The following CACNA2D3 variants were observed in gnomAD, a reference collection of about 807,000 sequenced individuals.
The protein encoded by CACNA2D3 is voltage-dependent calcium channel subunit alpha-2/delta-3.
A neutral mutation model predicts 160.6 loss-of-function variants in CACNA2D3; 60 were observed. That is an observed-to-expected ratio of 0.37 (90% CI 0.30 to 0.46). CACNA2D3 has a LOEUF of 0.46. Ranked by LOEUF, CACNA2D3 falls within the 20% of genes least tolerant of loss-of-function variation. CACNA2D3 has a pLI of 1.00. For synonymous variants in CACNA2D3, 558 were observed against 492.9 expected, an observed-to-expected ratio of 1.13 and a Z score of -1.75; for missense variants, 1,205 against 1,365.0, an observed-to-expected ratio of 0.88 and a Z score of 1.85.
chr3:54,760,389 C>T (rs1380370959), intron 12 of CACNA2D3, among the ~76,000 whole-genome samples: 1 of 152,068 alleles, frequency 6.6e-6, no homozygotes, highest in Admixed American at 6.6e-5. Context: ...GCCAGCAAGC[C>T]TGAACAGTGA....
intron 11 of CACNA2D3, among the ~76,000 whole-genome samples, chr3:54,666,469 C>T (rs981328449): frequency 2.6e-5 from 4 of 152,212 alleles, no homozygotes; most frequent in African/African-American, 9.6e-5. Flanking sequence ...TTCAGAATGG[C>T]ATTCATTGGA....
chr3:54,859,148 T>G (rs1559607009), intron 17 of CACNA2D3, among the ~76,000 whole-genome samples: 2 of 152,234 alleles, frequency 1.3e-5, no homozygotes, highest in Non-Finnish European at 2.9e-5. Flanking sequence ...CAGACTTCTT[T>G]AATTACTGCA....
At chr3:54,642,062 TG>T in intron 10 of CACNA2D3, 65 bp from the exon 11 acceptor site, 1 of 1,039,344 alleles carries the variant, frequency 9.6e-7, no homozygotes. Flanking sequence ...CTCATGTCTC[TG>T]ATTTTTCACT....
In CACNA2D3 at chr3:54,276,307, C is replaced by T. The variant is rs371772240; in HGVS notation, c.205-44135C>T. Among the ~76,000 whole-genome samples, 27 of 152,258 alleles carry T rather than the reference C, an allele frequency of 1.8e-4. No individual in the cohort carries two copies. The East Asian group carries it at 3.3e-3, about 19-fold the overall frequency. On this transcript the variant is annotated intron_variant, in intron 2 of 37. Transcript: ENST00000474759. ...GAAAGAGGCCAGACGCAGTGGCTCA[C>T]GCCTGTACTCCCAGCATTTGGGAAG...
At chr3:54,687,135 G>GTTTTTTTT (rs1290353261) in intron 11 of CACNA2D3, among the ~76,000 whole-genome samples, 3 of 88,902 alleles carry the variant, frequency 3.4e-5, no homozygotes, top group East Asian at 3.2e-4. Flanking sequence ...TTTTTTTTTT[G>GTTTTTTTT]TTTTTTTTTT....
intron 13 of CACNA2D3, among the ~76,000 whole-genome samples, chr3:54,783,134 A>T (rs1174197912): frequency 1.3e-5 from 2 of 152,170 alleles, no homozygotes; most frequent in Admixed American, 1.3e-4. Context: ...ATTCCATGTT[A>T]CATGCAAGAA....
chr3:54,471,134 T>C (rs1341202797), intron 4 of CACNA2D3, among the ~76,000 whole-genome samples: 2 of 152,182 alleles, frequency 1.3e-5, no homozygotes, highest in Admixed American at 6.5e-5. Flanking sequence ...ATCACACTTA[T>C]TCTAAAATTG....
Position 54,280,305 on chromosome 3 carries a change from T to A in CACNA2D3, c.205-40137T>A, listed in dbSNP as rs553402419. Among the ~76,000 whole-genome samples, 4 of 152,138 alleles carry A rather than the reference T, an allele frequency of 2.6e-5. No individual in the cohort carries two copies. The East Asian group carries it at 7.7e-4, about 29-fold the overall frequency. On this transcript the variant is annotated intron_variant, in intron 2 of 37. Transcript: ENST00000474759. ...ACCATGTTAGCGAGGATGGTCTCGA[T>A]CTCCTGACCTCATGATCCGCCCTCC...
intron 13 of CACNA2D3, among the ~76,000 whole-genome samples, chr3:54,810,698 G>C (rs1703283619): frequency 6.6e-6 from 1 of 152,126 alleles, no homozygotes; most frequent in Non-Finnish European, 1.5e-5. Context: ...AGTGAAATGT[G>C]TTGTTTTGAT....
intron 21 of CACNA2D3, 28 bp downstream of exon 21, chr3:54,880,891 C>G: frequency 1.2e-6 from 2 of 1,602,334 alleles, no homozygotes; most frequent in East Asian, 4.5e-5. Flanking sequence ...TCGTCTTATC[C>G]TTTGGTGTGG....
intron 13 of CACNA2D3, among the ~76,000 whole-genome samples, chr3:54,768,585 G>T (rs1702263342): frequency 6.6e-6 from 1 of 152,186 alleles, no homozygotes; most frequent in African/African-American, 2.4e-5. Context: ...ATCTGGGCAT[G>T]TAGTTACAGA....
chr3:55,042,573 T>A (rs542090156), intron 35 of CACNA2D3, among the ~76,000 whole-genome samples: 6 of 152,180 alleles, frequency 3.9e-5, no homozygotes, highest in African/African-American at 1.4e-4. Flanking sequence ...GCATATGTTT[T>A]GGTCTTTCTT....
rs756760811 is a variant in CACNA2D3 at position 55,007,861 on chromosome 3, A to AT, written c.2819+26dup. 3.3e-6 allele frequency: 5 copies of AT among 1,498,504 alleles called. No homozygotes were observed. Among genetic ancestry groups the AT allele is most frequent in the African/African-American group, 1.4e-5 (1 of 70,410 alleles). The allele number at this position is 1,498,504 out of a possible 1,614,324, so 92.8% of individuals were successfully genotyped here. ...TTGTCTTGTAAGTAAAATCTGCTGC[A>AT]TTTTTTTGAAAAGTATTAATATTTT... On this transcript the variant is annotated intron_variant, in intron 33 of 37. Coordinates refer to ENST00000474759, the MANE Select transcript of CACNA2D3 (RefSeq NM_018398.3).
At chr3:54,608,765 G>A (rs1210649031) in intron 9 of CACNA2D3, among the ~76,000 whole-genome samples, 1 of 152,204 alleles carries the variant, frequency 6.6e-6, no homozygotes, top group African/African-American at 2.4e-5. Flanking sequence ...ATAAAGTAAT[G>A]TGTTTTAAAA....
At chr3:54,323,251 GA>G (rs1704045419) in intron 3 of CACNA2D3, among the ~76,000 whole-genome samples, 1 of 152,148 alleles carries the variant, frequency 6.6e-6, no homozygotes, top group Non-Finnish European at 1.5e-5. Flanking sequence ...TCTCCATTAG[GA>G]AAAGTCGCTG....
chr3:54,632,483 C>G (rs1409561690), intron 10 of CACNA2D3: 1 of 152,184 alleles, frequency 6.6e-6, no homozygotes, highest in African/African-American at 2.4e-5. Context: ...GCAGTCTCCC[C>G]AGAACATCTC....
At chr3:54,680,945 G>A (rs1700334615) in intron 11 of CACNA2D3, among the ~76,000 whole-genome samples, 1 of 152,100 alleles carries the variant, frequency 6.6e-6, no homozygotes, top group African/African-American at 2.4e-5. Context: ...ACAACCGAGG[G>A]GAGAGGTAGA....
intron 2 of CACNA2D3, among the ~76,000 whole-genome samples, chr3:54,217,963 G>A (rs1701493707): frequency 6.6e-6 from 1 of 151,698 alleles, no homozygotes; most frequent in South Asian, 2.1e-4. Context: ...TGTTGAGGGG[G>A]GTGTTTTAGA....
At chr3:54,763,831 A>ATACG (rs1702156036) in intron 12 of CACNA2D3, among the ~76,000 whole-genome samples, 1 of 74,458 alleles carries the variant, frequency 1.3e-5, no homozygotes, top group African/African-American at 4.4e-5. Flanking sequence ...ATACGTATAT[A>ATACG]TATGTATATA....
Sources: allele counts gnomAD v4.1 joint callset (sites outside exome capture counted in the v4.1 genomes callset), GRCh38; gene constraint gnomAD v4.1.1; transcripts MANE v1.5; gene names NCBI Gene and HGNC (gene_info 2026-07-23, HGNC 2026-07-21).